SMOC1: variants seen among roughly 807,000 people sequenced by gnomAD.
SMOC1 encodes SPARC-related modular calcium-binding protein 1.
SMOC1 carries 22 observed loss-of-function variants against 56.3 expected under a neutral mutation model. That is an observed-to-expected ratio of 0.39 (90% CI 0.28 to 0.56). The LOEUF is 0.56. Ranked by LOEUF, SMOC1 falls within the 20% of genes least tolerant of loss-of-function variation. The pLI is 0.61. For missense variants in SMOC1, 509 were observed against 565.4 expected (o/e 0.90, Z 1.01); for synonymous variants, 193 against 215.0 (o/e 0.90, Z 0.89).
chr14:69,942,248 A>G (rs919542238), intron 1 of SMOC1, among the ~76,000 whole-genome samples: 6 of 151,494 alleles, frequency 4.0e-5, no homozygotes, highest in African/African-American at 1.2e-4. Context: ...GTTCTTGTTT[A>G]TTTTCATAAT....
At chr14:69,950,310 C>T (rs551569799) in intron 1 of SMOC1, among the ~76,000 whole-genome samples, 5 of 152,294 alleles carry the variant, frequency 3.3e-5, no homozygotes, top group Non-Finnish European at 2.9e-5. Context: ...TGGACAGGTT[C>T]GGGCCCTCTT....
chr14:69,883,098 T>C (rs1883689041), intron 1 of SMOC1, among the ~76,000 whole-genome samples: 1 of 152,278 alleles, frequency 6.6e-6, no homozygotes, highest in African/African-American at 2.4e-5. Context: ...ATCTAGCTAA[T>C]TAATGATAGC....
chr14:69,971,041 C>G (rs148037201), intron 3 of SMOC1, among the ~76,000 whole-genome samples: 2 of 152,102 alleles, frequency 1.3e-5, no homozygotes, highest in East Asian at 3.9e-4. Flanking sequence ...TTTTTGGAGA[C>G]GGAATCTCAC....
intron 1 of SMOC1, among the ~76,000 whole-genome samples, chr14:69,903,189 C>A (rs1884299999): frequency 6.6e-6 from 1 of 151,726 alleles, no homozygotes; most frequent in African/African-American, 2.4e-5. Flanking sequence ...CTCTGCCCGG[C>A]CACCCATCGT....
intron 8 of SMOC1, 75 bp downstream of exon 8, chr14:70,011,021 C>G: frequency 1.9e-6 from 3 of 1,545,692 alleles, no homozygotes; most frequent in Non-Finnish European, 2.7e-6. Context: ...CCCAGTGTTC[C>G]TGCCCTGGTC....
chr14:69,992,348 C>A, intron 5 of SMOC1, 69 bp from the exon 6 acceptor site: 2 of 1,486,314 alleles, frequency 1.3e-6, no homozygotes, highest in Non-Finnish European at 1.9e-6. Context: ...TTCAACAGTG[C>A]TGGAGAGTAG....
At chr14:69,956,028 G>A (rs1311358139) in intron 3 of SMOC1, among the ~76,000 whole-genome samples, 1 of 152,222 alleles carries the variant, frequency 6.6e-6, no homozygotes. Context: ...CCTCGTGACA[G>A]ACAGCCCACT....
intron 1 of SMOC1, among the ~76,000 whole-genome samples, chr14:69,881,805 C>T (rs2139280180): frequency 6.6e-6 from 1 of 152,276 alleles, no homozygotes; most frequent in Admixed American, 6.5e-5. Flanking sequence ...TTATGAACAT[C>T]TGGGCTGGGC....
chr14:69,970,527 A>G (rs1270355745), intron 3 of SMOC1, among the ~76,000 whole-genome samples: 1 of 152,192 alleles, frequency 6.6e-6, no homozygotes, highest in Non-Finnish European at 1.5e-5. Flanking sequence ...CCTCTCCTAT[A>G]AAAGATTTGC....
chr14:70,001,589 C>G (rs893676844), intron 7 of SMOC1, among the ~76,000 whole-genome samples: 26 of 152,224 alleles, frequency 1.7e-4, no homozygotes, highest in African/African-American at 6.3e-4. Flanking sequence ...TGCTCCATTC[C>G]CCTGCCCTTG....
At chr14:70,011,433 T>A in intron 8 of SMOC1, 52 bp from the exon 9 acceptor site, 1 of 1,523,858 alleles carries the variant, frequency 6.6e-7, no homozygotes, top group African/African-American at 1.4e-5. Context: ...GTGACTGAAG[T>A]AGGCTCAGTT....
chr14:70,023,504 G>C, intron 11 of SMOC1, 57 bp downstream of exon 11: 2 of 1,610,644 alleles, frequency 1.2e-6, no homozygotes, highest in Non-Finnish European at 1.7e-6. Context: ...CCCAGGCATG[G>C]GACCAAGGGC....
At chr14:70,008,399 C>T (rs1409474849) in intron 7 of SMOC1, among the ~76,000 whole-genome samples, 1 of 152,156 alleles carries the variant, frequency 6.6e-6, no homozygotes, top group African/African-American at 2.4e-5. Flanking sequence ...TCAGCCTTTC[C>T]AAATGCTGGG....
chr14:70,000,627 A>G (rs1884933733), intron 7 of SMOC1, among the ~76,000 whole-genome samples: 1 of 152,180 alleles, frequency 6.6e-6, no homozygotes, highest in African/African-American at 2.4e-5. Context: ...TCCATGCTAT[A>G]TTGGGACAAT....
At chr14:69,917,272 G>A (rs768112489) in intron 1 of SMOC1, among the ~76,000 whole-genome samples, 3 of 152,222 alleles carry the variant, frequency 2.0e-5, no homozygotes, top group Non-Finnish European at 4.4e-5. Context: ...TTATTTCAAA[G>A]TGGAACATTC....
rs1208210837 is a variant in SMOC1, at chr14:69,936,536, C to G, written c.100-15602C>G. 3.3e-5 allele frequency among the ~76,000 whole-genome samples: 5 copies of G among 152,258 alleles called. No individual in the cohort carries two copies. In the East Asian group the frequency reaches 9.6e-4, roughly 29 times the overall value. ...AGAGATCAAGAAGCCGAGAAGGCAT[C>G]CTTCCTCCTTCCCCTCCCACTGCGA... On this transcript the variant is annotated intron_variant, in intron 1 of 11. Coordinates refer to ENST00000361956, the MANE Select transcript of SMOC1 (RefSeq NM_001034852.3).
intron 5 of SMOC1, among the ~76,000 whole-genome samples, chr14:69,980,896 C>T (rs1463502749): frequency 6.6e-6 from 1 of 152,096 alleles, no homozygotes; most frequent in Non-Finnish European, 1.5e-5. Context: ...ACCCGGGACC[C>T]AGCCTTCTCT....
At chr14:69,906,646 AAC>A (rs1461849789) in intron 1 of SMOC1, among the ~76,000 whole-genome samples, 1 of 152,210 alleles carries the variant, frequency 6.6e-6, no homozygotes, top group Non-Finnish European at 1.5e-5. Flanking sequence ...ACAAATAGAT[AAC>A]CAGAACAAGG....
intron 7 of SMOC1, among the ~76,000 whole-genome samples, chr14:69,996,833 A>G (rs905423990): frequency 1.3e-5 from 2 of 152,222 alleles, no homozygotes; most frequent in Non-Finnish European, 2.9e-5. Flanking sequence ...TATTGACTGA[A>G]TGCCTATCAA....
Sources: allele counts gnomAD v4.1 joint callset (sites outside exome capture counted in the v4.1 genomes callset), GRCh38; gene constraint gnomAD v4.1.1; transcripts MANE v1.5; gene names NCBI Gene and HGNC (gene_info 2026-07-23, HGNC 2026-07-21).